The following MCTP1 variants were observed in gnomAD, a reference collection of about 807,000 sequenced individuals.
The protein encoded by MCTP1 is multiple C2 and transmembrane domain containing 1.
In MCTP1, 69 loss-of-function variants were observed where a neutral mutation model predicts 120.6. The observed-to-expected ratio is 0.57, with a 90% confidence interval of 0.47 to 0.70. The LOEUF (loss-of-function observed/expected upper bound fraction) is 0.70. MCTP1 is among the 30% of genes least tolerant of loss of function. The pLI is 0.00. For missense variants in MCTP1, 1,203 were observed against 1,248.8 expected (o/e 0.96, Z 0.55); for synonymous variants, 529 against 493.1 (o/e 1.07, Z -0.96).
At chr5:94,938,058 CAG>C (rs1195285899) in intron 5 of MCTP1, among the ~76,000 whole-genome samples, 8 of 152,020 alleles carry the variant, frequency 5.3e-5, no homozygotes, top group Admixed American at 2.0e-4. Flanking sequence ...CTACCTCTGA[CAG>C]TTCTAATCCA....
At chr5:95,001,412 A>C (rs1340085326) in intron 2 of MCTP1, among the ~76,000 whole-genome samples, 2 of 152,176 alleles carry the variant, frequency 1.3e-5, no homozygotes, top group African/African-American at 4.8e-5. Flanking sequence ...GAAGTTTAGA[A>C]CCGCCTGAAG....
In MCTP1 at chr5:95,085,450, G is replaced by T. The variant is rs569580092; in HGVS notation, c.721-67966C>A. The stretch of plus-strand genomic sequence containing the variant: ...ATTATCTTCTTAAGATTTACATGTG[G>T]TTCTGCTTAGTTTATTCATTTTAAC... On this transcript the variant is annotated intron_variant, in intron 1 of 22. Coordinates refer to ENST00000515393, the MANE Select transcript of MCTP1 (RefSeq NM_024717.7). Among the ~76,000 whole-genome samples the T allele has an allele frequency of 4.1e-5, 6 of 146,422 alleles. 1 individual carries two copies. In the South Asian group the frequency reaches 1.3e-3, roughly 31 times the overall value.
intron 1 of MCTP1, among the ~76,000 whole-genome samples, chr5:95,196,383 A>C (rs2152541158): frequency 6.6e-6 from 1 of 152,328 alleles, no homozygotes; most frequent in East Asian, 1.9e-4. Flanking sequence ...ACTGAGGCCT[A>C]TGTATTGGAA....
intron 2 of MCTP1, among the ~76,000 whole-genome samples, chr5:94,984,949 C>G (rs552136268): frequency 6.6e-6 from 1 of 152,084 alleles, no homozygotes. Flanking sequence ...CCTTTTACAT[C>G]CAATTTAATA....
At position 95,007,525 on chromosome 5, in the gene MCTP1, T is replaced by C. The variant is rs146943747; in HGVS notation, c.838+9842A>G. ...AATCAGAGAATAACTCTCTCTGAGCTTTCATAAATTACATTCTAAGGATAA... is the reference window on the plus strand; with the variant it reads ...AATCAGAGAATAACTCTCTCTGAGCCTTCATAAATTACATTCTAAGGATAA... On this transcript the variant is annotated intron_variant, in intron 2 of 22. Transcript: ENST00000515393. Among the ~76,000 whole-genome samples, 238 of 152,326 alleles carry C rather than the reference T, an allele frequency of 1.6e-3. 2 individuals carry two copies. The highest frequency in any genetic ancestry group is 5.4e-3 in the African/African-American group (225 of 41,580).
At chr5:94,972,945 A>G (rs995429290) in intron 2 of MCTP1, among the ~76,000 whole-genome samples, 9 of 151,966 alleles carry the variant, frequency 5.9e-5, no homozygotes, top group Non-Finnish European at 1.0e-4. Flanking sequence ...CAAAAAAAAA[A>G]CCACTGGGTT....
chr5:94,728,577 G>T (rs1762551500), intron 19 of MCTP1, among the ~76,000 whole-genome samples: 1 of 152,126 alleles, frequency 6.6e-6, no homozygotes, highest in South Asian at 2.1e-4. Flanking sequence ...CAGATACTTG[G>T]TTTTCTCTTC....
intron 1 of MCTP1, among the ~76,000 whole-genome samples, chr5:95,133,521 G>A (rs571088504): frequency 1.6e-4 from 24 of 152,248 alleles, no homozygotes; most frequent in Non-Finnish European, 2.4e-4. Flanking sequence ...CGGGTGTGGC[G>A]GCACATGCCT....
intron 1 of MCTP1, among the ~76,000 whole-genome samples, chr5:95,080,217 G>A (rs1754576523): frequency 6.6e-6 from 1 of 152,128 alleles, no homozygotes; most frequent in South Asian, 2.1e-4. Context: ...ACTTCCCAGA[G>A]TAAGGATTTG....
intron 1 of MCTP1, among the ~76,000 whole-genome samples, chr5:95,207,985 G>A (rs1322194777): frequency 4.0e-5 from 4 of 101,200 alleles, no homozygotes; most frequent in Non-Finnish European, 9.5e-5. Flanking sequence ...GAGGGAGAGA[G>A]AGAGAAAGAG....
chr5:95,117,897 G>C (rs566333073), intron 1 of MCTP1, among the ~76,000 whole-genome samples: 3 of 152,112 alleles, frequency 2.0e-5, no homozygotes, highest in Admixed American at 2.0e-4. Flanking sequence ...ATTATCCTTA[G>C]CAAACTAACG....
intron 19 of MCTP1, among the ~76,000 whole-genome samples, chr5:94,774,488 A>G (rs901749156): frequency 3.3e-5 from 5 of 152,184 alleles, no homozygotes; most frequent in Admixed American, 1.3e-4. Flanking sequence ...CAAGAAAACA[A>G]GGACCTCAGT....
chr5:95,270,908 C>T (rs566176192), intron 1 of MCTP1, among the ~76,000 whole-genome samples: 30 of 134,506 alleles, frequency 2.2e-4, no homozygotes, highest in African/African-American at 6.2e-4. Context: ...CTAGCCTGGG[C>T]GACAGAGCAA....
At chr5:95,162,475 G>A (rs1745851577) in intron 1 of MCTP1, among the ~76,000 whole-genome samples, 1 of 152,088 alleles carries the variant, frequency 6.6e-6, no homozygotes, top group East Asian at 1.9e-4. Flanking sequence ...ATTATTTACA[G>A]GCTGTGAAGC....
chr5:94,713,172 T>G (rs1028743105), intron 20 of MCTP1, among the ~76,000 whole-genome samples: 2 of 152,132 alleles, frequency 1.3e-5, no homozygotes, highest in African/African-American at 4.8e-5. Context: ...GAGTCTGCTT[T>G]CTGGGTAGAT....
intron 1 of MCTP1, among the ~76,000 whole-genome samples, chr5:95,215,442 TC>T (rs891757526): frequency 6.6e-6 from 1 of 152,196 alleles, no homozygotes; most frequent in Non-Finnish European, 1.5e-5. Flanking sequence ...CATCATGTTA[TC>T]ATGTAAAAAA....
intron 17 of MCTP1, among the ~76,000 whole-genome samples, chr5:94,828,183 C>T (rs1223843536): frequency 6.6e-6 from 1 of 152,178 alleles, no homozygotes; most frequent in Admixed American, 6.5e-5. Flanking sequence ...CTATTGCTTT[C>T]TATTTGTTAG....
intron 19 of MCTP1, among the ~76,000 whole-genome samples, chr5:94,741,603 C>G (rs1765546074): frequency 6.6e-6 from 1 of 152,168 alleles, no homozygotes; most frequent in Admixed American, 6.5e-5. Flanking sequence ...GCTAATGCTG[C>G]TAAGAGCATG....
At chr5:94,788,501 T>G (rs771389693) in intron 18 of MCTP1, among the ~76,000 whole-genome samples, 44 of 152,354 alleles carry the variant, frequency 2.9e-4, no homozygotes, top group Non-Finnish European at 4.9e-4. Flanking sequence ...TCTTATAATT[T>G]CTTGTCACCT....
Sources: allele counts gnomAD v4.1 joint callset (sites outside exome capture counted in the v4.1 genomes callset), GRCh38; gene constraint gnomAD v4.1.1; transcripts MANE v1.5; gene names NCBI Gene and HGNC (gene_info 2026-07-23, HGNC 2026-07-21).